OPRM1: variants seen among roughly 807,000 people sequenced by gnomAD.
OPRM1 encodes opioid receptor mu 1.
Under a neutral mutation model 31.8 loss-of-function variants are expected in OPRM1, and 27 were observed. The ratio of observed to expected loss-of-function variants is 0.85; its 90% CI spans 0.63 to 1.17. The LOEUF (loss-of-function observed/expected upper bound fraction) is 1.17, where lower values mean the gene tolerates loss of function less well. OPRM1 is among the 50% of genes most tolerant of loss of function. The pLI, the probability that OPRM1 is intolerant of heterozygous loss-of-function variation, is 0.00. For synonymous variants in OPRM1, 196 were observed against 189.9 expected, an observed-to-expected ratio of 1.03 and a Z score of -0.26; for missense variants, 536 against 511.1, an observed-to-expected ratio of 1.05 and a Z score of -0.47.
intron 3 of OPRM1, among the ~76,000 whole-genome samples, chr6:154,184,894 C>T (rs1311799635): frequency 6.6e-6 from 1 of 151,152 alleles, no homozygotes; most frequent in African/African-American, 2.4e-5. Context: ...CTCTTGCCTA[C>T]CCCTTTCAGA....
intron 1 of OPRM1, among the ~76,000 whole-genome samples, chr6:154,048,093 T>TTCAAA (rs1781509289): frequency 6.6e-6 from 1 of 152,112 alleles, no homozygotes; most frequent in East Asian, 1.9e-4. Flanking sequence ...GGGAATAGGT[T>TTCAAA]TTCAACATGT....
At chr6:154,038,969 A>C (rs1254867462), upstream of OPRM1, 2 of 580,822 alleles carry the variant, frequency 3.4e-6, no homozygotes, top group African/African-American at 3.8e-5. Flanking sequence ...CAAAATTGGC[A>C]GTAGGGATGG....
chr6:154,019,400 T>G (rs1211449808), intron 1 of OPRM1, among the ~76,000 whole-genome samples: 1 of 152,106 alleles, frequency 6.6e-6, no homozygotes, highest in East Asian at 1.9e-4. Context: ...TGACATATTA[T>G]TATCACCCAA....
rs200582777 is a variant in OPRM1 at position 154,067,625 on chromosome 6, CTGT to C, written c.291-22192_291-22190del. 7.8e-4 allele frequency among the ~76,000 whole-genome samples: 119 copies of C among 151,950 alleles called. 1 individual carries two copies. The East Asian group carries it at 0.014, about 18-fold the overall frequency. On this transcript the variant is annotated intron_variant, in intron 1 of 3. Transcript: ENST00000330432. Reference sequence around the variant, plus strand: ...CATGTGCATGTAAGAGGAATGTTTTCTGTTGTTGTTGGGTAGAGTAGTCTGTCT... The same window carrying C: ...CATGTGCATGTAAGAGGAATGTTTTCTGTTGTTGGGTAGAGTAGTCTGTCT...
chr6:154,174,580 A>G (rs1422364611), intron 3 of OPRM1, among the ~76,000 whole-genome samples: 1 of 152,248 alleles, frequency 6.6e-6, no homozygotes, highest in African/African-American at 2.4e-5. Context: ...AAAGAAGGGC[A>G]TTACATAATG....
Position 154,131,845 on chromosome 6 carries a change from ATT to A in OPRM1, c.*13125_*13126del, listed in dbSNP as rs1194913940. Among the ~76,000 whole-genome samples the A allele has an allele frequency of 7.9e-5, 12 of 151,882 alleles. No homozygotes were observed. Among genetic ancestry groups the A allele is most frequent in the African/African-American group, 2.7e-4 (11 of 41,420 alleles). On this transcript the variant is annotated 3_prime_UTR_variant, in exon 4 of 4. Transcript: ENST00000330432. ...TTCGCCTATAGAGACAAATACATATATTGTTTGTTGTGATAATGCACAAAAAG... is the reference window on the plus strand; with the variant it reads ...TTCGCCTATAGAGACAAATACATATAGTTTGTTGTGATAATGCACAAAAAG...
intron 3 of OPRM1, among the ~76,000 whole-genome samples, chr6:154,229,918 T>C (rs1779591949): frequency 6.6e-6 from 1 of 152,200 alleles, no homozygotes; most frequent in East Asian, 1.9e-4. Context: ...TGCTGAAACA[T>C]GGATGAACCC....
chr6:154,017,524 C>T (rs1284847276), intron 1 of OPRM1, among the ~76,000 whole-genome samples: 1 of 152,106 alleles, frequency 6.6e-6, no homozygotes, highest in African/African-American at 2.4e-5. Flanking sequence ...GCCTAGTTCA[C>T]GCACCTGGAT....
At chr6:154,013,108 G>A (rs78778432) in intron 1 of OPRM1, among the ~76,000 whole-genome samples, 116 of 152,222 alleles carry the variant, frequency 7.6e-4, no homozygotes, top group African/African-American at 2.7e-3. Context: ...GATGATTTAG[G>A]CCTGCCAAAA....
At chr6:154,241,588 A>G (rs1034737813) in intron 3 of OPRM1, among the ~76,000 whole-genome samples, 2 of 151,994 alleles carry the variant, frequency 1.3e-5, no homozygotes, top group Non-Finnish European at 2.9e-5. Flanking sequence ...CTTATATCCA[A>G]GCGTTCTTCA....
intron 3 of OPRM1, among the ~76,000 whole-genome samples, chr6:154,143,701 G>A (rs77617208): frequency 0.052 from 7,856 of 152,264 alleles, 245 homozygotes; most frequent in Middle Eastern, 0.092. Flanking sequence ...TCACCCTAAT[G>A]AATGGGATTA....
At chr6:154,048,374 C>T (rs1781563315) in intron 1 of OPRM1, among the ~76,000 whole-genome samples, 1 of 152,028 alleles carries the variant, frequency 6.6e-6, no homozygotes, top group South Asian at 2.1e-4. Flanking sequence ...AACTTAAATC[C>T]ATCCTTTCTT....
chr6:154,153,030 C>T (rs1274008443), intron 3 of OPRM1, among the ~76,000 whole-genome samples: 2 of 152,152 alleles, frequency 1.3e-5, no homozygotes, highest in African/African-American at 4.8e-5. Flanking sequence ...TGAGCCACAG[C>T]TCCCAGCACT....
At chr6:154,137,978 T>G (rs768922637) in intron 3 of OPRM1, among the ~76,000 whole-genome samples, 2 of 152,228 alleles carry the variant, frequency 1.3e-5, no homozygotes, top group African/African-American at 4.8e-5. Context: ...ACATGGGGCA[T>G]AATGCTGAGC....
rs1031571806 is a variant in OPRM1, at chr6:154,022,678, A to G, written c.-1+11660A>G. On this transcript the variant is annotated intron_variant, in intron 1 of 5. Transcript: ENST00000434900. ...CCCAATGTTTTCTGGTAGTAGATTC[A>G]TAGTTTGAGGACTTAAAGTCTTTAA... is the stretch of plus-strand genomic sequence containing the variant. Among the ~76,000 whole-genome samples the G allele has an allele frequency of 4.6e-5, 7 of 152,308 alleles. No individual in the cohort carries two copies. In the East Asian group the frequency reaches 1.3e-3, roughly 29 times the overall value.
intron 1 of OPRM1, among the ~76,000 whole-genome samples, chr6:154,017,502 A>G (rs902250025): frequency 6.6e-6 from 1 of 152,174 alleles, no homozygotes; most frequent in Admixed American, 6.5e-5. Flanking sequence ...CATTCACTCC[A>G]TCTTCCACAG....
chr6:154,039,223 TC>T (rs1308502469), upstream of OPRM1: 1 of 1,551,488 alleles, frequency 6.4e-7, no homozygotes, highest in Non-Finnish European at 8.7e-7. Flanking sequence ...TTGCGCAAAA[TC>T]CACCCCTTTT....
chr6:154,206,145 A>C (rs933333985), intron 3 of OPRM1, among the ~76,000 whole-genome samples: 6 of 152,218 alleles, frequency 3.9e-5, no homozygotes, highest in Non-Finnish European at 7.3e-5. Flanking sequence ...ACTCAAATTT[A>C]TCAAGAGGGG....
chr6:154,196,051 A>G (rs1776601044), intron 3 of OPRM1, among the ~76,000 whole-genome samples: 1 of 152,078 alleles, frequency 6.6e-6, no homozygotes, highest in Non-Finnish European at 1.5e-5. Context: ...CGGCCTCACA[A>G]AGTGCTGGGA....
Sources: allele counts gnomAD v4.1 joint callset (sites outside exome capture counted in the v4.1 genomes callset), GRCh38; gene constraint gnomAD v4.1.1; transcripts MANE v1.5; gene names NCBI Gene and HGNC (gene_info 2026-07-23, HGNC 2026-07-21).